The following RUNDC3A variants were observed in gnomAD, a reference collection of about 807,000 sequenced individuals.
The protein encoded by RUNDC3A is RUN domain-containing protein 3A.
RUNDC3A carries 28 observed loss-of-function variants against 53.9 expected under a neutral mutation model. The observed-to-expected ratio is 0.52, with a 90% CI of 0.38 to 0.71. The LOEUF (loss-of-function observed/expected upper bound fraction) is 0.71, where lower values mean the gene tolerates loss of function less well. Among genes scored for constraint, RUNDC3A ranks in the 30% least tolerant of loss-of-function variants. The pLI is 0.00. For synonymous variants in RUNDC3A, 232 were observed against 249.4 expected (o/e 0.93, Z 0.66); for missense variants, 491 against 597.3 (o/e 0.82, Z 1.85).
chr17:44,309,582 C>T (rs1196286750), intron 1 of RUNDC3A, among the ~76,000 whole-genome samples: 1 of 152,146 alleles, frequency 6.6e-6, no homozygotes, highest in South Asian at 2.1e-4. Flanking sequence ...TCCGTGATTG[C>T]GGGGCCCAGG....
Position 44,314,834 on chromosome 17 carries a change from G to T in RUNDC3A, c.548+10G>T. 1 of 1,613,938 alleles carries T rather than the reference G, an allele frequency of 6.2e-7. No homozygotes were observed. The highest frequency in any genetic ancestry group is 1.3e-5 in the African/African-American group (1 of 75,050). On this transcript the variant is annotated intron_variant, in intron 5 of 10. Transcript: ENST00000426726. ...GCGCCATCGACTTCAGGTGGGGTCT[G>T]CCTGACGGCAGTGGTGGAGGGGGCT... is the stretch of plus-strand genomic sequence containing the variant.
At chr17:44,317,615 C>T in intron 10 of RUNDC3A, 2 of 759,734 alleles carry the variant, frequency 2.6e-6, no homozygotes, top group Non-Finnish European at 2.5e-6. Flanking sequence ...GCCTGAATAT[C>T]CTGTCTTTTC....
chr17:44,316,234 C>T, intron 8 of RUNDC3A, 151 bp from the exon 9 acceptor site: 1 of 670,082 alleles, frequency 1.5e-6, no homozygotes, highest in Non-Finnish European at 2.5e-6. Context: ...ACCTCCACTT[C>T]CTCCCGGGAT....
chr17:44,313,975 A>G (rs1236366753), intron 4 of RUNDC3A: 1 of 991,918 alleles, frequency 1.0e-6, no homozygotes, highest in Non-Finnish European at 1.2e-6. Context: ...TGGCCCCAGG[A>G]CAAACTTTTA....
chr17:44,314,667 G>A, intron 4 of RUNDC3A, 68 bp from the exon 5 acceptor site: 1 of 873,060 alleles, frequency 1.1e-6, no homozygotes, highest in Non-Finnish European at 1.7e-6. Context: ...GCCAACAATA[G>A]CAGCTCTGGG....
At position 44,316,711 on chromosome 17, in the gene RUNDC3A, C is replaced by T. The variant is rs1346373166; in HGVS notation, c.1184C>T (p.Pro395Leu). 8.4e-6 allele frequency: 13 copies of T among 1,548,648 alleles called. No homozygotes were observed. Among genetic ancestry groups the T allele is most frequent in the Non-Finnish European group, 1.1e-5 (13 of 1,146,626 alleles). ...GGAGAGGGCACGCGGGACGAGGAGC[C>T]CTGGGGTCCCATCGGTGAGCTCCCC... ...RLGEGTRDEE[P>L]WGPIGKDPTP... The change falls in exon 10 of 11, where the codon CCC (proline) becomes CTC (leucine). Residue 395 changes from proline to leucine, a missense_variant. Pro to Leu is a moderately conservative substitution (Grantham distance 98). Around this residue, in one of 2 missense-constraint regions of RUNDC3A, gnomAD observed 218 missense variants for 208.2 expected, o/e 1.05. Transcript: ENST00000426726.
rs1193527810 is a variant in RUNDC3A, at chr17:44,313,234, C to A, written c.354C>A (p.Ile118=). The stretch of plus-strand genomic sequence containing the variant: ...GCAGCATCGAGAACATGGAGAACAT[C>A]AGCACAGCCCGGGCCAAGGTGAGGG... ...CVSSIENMEN[I]STARAKGRAW... is the part of the protein sequence containing the mutation. Residue 118 remains isoleucine (I), a synonymous_variant, in exon 3 of 11, where the codon ATC becomes ATA. Coordinates refer to ENST00000426726, the MANE Select transcript of RUNDC3A (RefSeq NM_001144825.2). The A allele has an allele frequency of 3.1e-6, 5 of 1,613,988 alleles. No individual in the cohort carries two copies. Among genetic ancestry groups the A allele is most frequent in the Non-Finnish European group, 4.2e-6 (5 of 1,179,878 alleles).
chr17:44,310,537 G>T (rs1056916508), intron 1 of RUNDC3A, among the ~76,000 whole-genome samples: 3 of 152,114 alleles, frequency 2.0e-5, no homozygotes, highest in Non-Finnish European at 2.9e-5. Flanking sequence ...GTTTTGGGGG[G>T]TCAGGGACAT....
At chr17:44,317,420 C>T in intron 10 of RUNDC3A, 1 of 780,550 alleles carries the variant, frequency 1.3e-6, no homozygotes, top group Middle Eastern at 2.3e-4. Context: ...CTAATTTGCT[C>T]TTATCTCATG....
chr17:44,317,381 GCTCACAAACT>G, intron 10 of RUNDC3A: 1 of 762,600 alleles, frequency 1.3e-6, no homozygotes. Context: ...ATCCTCGGGG[GCTCACAAACT>G]CTCGGGGAAC....
rs1398800177 is a variant in RUNDC3A at position 44,315,353 on chromosome 17, G to C, written c.795+33G>C. 25 of 1,309,220 alleles carry C rather than the reference G, an allele frequency of 1.9e-5. No homozygotes were observed. The highest frequency in any genetic ancestry group is 5.9e-6 in the Non-Finnish European group (6 of 1,023,280). The allele number at this position is 1,309,220 out of a possible 1,614,324, so 81.1% of individuals were successfully genotyped here. A position where few individuals can be genotyped will look rare whatever the true frequency, so the allele number is the denominator to read the frequency against. ...ACGCCGGCGGGCCCGGGGGGCGGGC[G>C]GGCCGGGCGGGGGATCCGGGCATCC... On this transcript the variant is annotated intron_variant, in intron 7 of 10. Transcript: ENST00000426726. The surrounding 1 kb of genome is among the most constrained non-coding windows in gnomAD (Gnocchi z 6.1).
intron 10 of RUNDC3A, 174 bp from the exon 11 acceptor site, chr17:44,317,922 G>C: frequency 1.6e-6 from 1 of 627,240 alleles, no homozygotes; most frequent in Middle Eastern, 2.9e-4. Context: ...CCCCAGCACG[G>C]TGCCTGGCAC....
chr17:44,312,067 G>A (rs1391514634), intron 1 of RUNDC3A, among the ~76,000 whole-genome samples: 1 of 152,172 alleles, frequency 6.6e-6, no homozygotes, highest in Non-Finnish European at 1.5e-5. Context: ...TGTGCACAGT[G>A]CCAACTCACA....
rs199920068 is a variant in RUNDC3A, at chr17:44,313,180, C to T, written c.300C>T (p.Ala100=). Reference sequence around the variant, plus strand: ...GCTTTTGGGACTATATCCGGCTGGCCTGCAGCAAAGTGCCCAACAACTGTG... The same window carrying T: ...GCTTTTGGGACTATATCCGGCTGGCTTGCAGCAAAGTGCCCAACAACTGTG... The part of the protein sequence containing the change: ...QRGFWDYIRL[A]CSKVPNNCVS... Residue 100 remains alanine, a synonymous_variant, in exon 3 of 11, where the codon GCC becomes GCT. Coordinates refer to ENST00000426726, the MANE Select transcript of RUNDC3A (RefSeq NM_001144825.2). The T allele has an allele frequency of 6.3e-5, 102 of 1,614,066 alleles. 1 individual carries two copies. In the African/African-American group the frequency reaches 1.2e-3, roughly 19 times the overall value.
chr17:44,308,748 G>A lies in RUNDC3A; in HGVS notation c.-85G>A. Reference sequence around the variant, plus strand: ...GTTGAGGGGCCCCGTCGGACAGAGGGCCCAGCCGTGATCCAGCGACGGGTT... The same window carrying A: ...GTTGAGGGGCCCCGTCGGACAGAGGACCCAGCCGTGATCCAGCGACGGGTT... On this transcript the variant is annotated 5_prime_UTR_variant, in exon 1 of 11. Transcript: ENST00000426726. 2.3e-6 allele frequency: 2 copies of A among 875,760 alleles called. No individual in the cohort carries two copies. The highest frequency in any genetic ancestry group is 3.4e-6 in the Non-Finnish European group (2 of 588,058). The allele number at this position is 875,760 out of a possible 1,614,324, so 54.2% of individuals were successfully genotyped here. A position where few individuals can be genotyped will look rare whatever the true frequency, so the allele number is the denominator to read the frequency against.
Position 44,313,183 on chromosome 17 carries a change from C to A in RUNDC3A, c.303C>A (p.Cys101Ter). 2 of 1,614,054 alleles carry A rather than the reference C, an allele frequency of 1.2e-6. No individual in the cohort carries two copies. Among genetic ancestry groups the A allele is most frequent in the Non-Finnish European group, 8.5e-7 (1 of 1,179,906 alleles). The change falls in exon 3 of 11, where the codon TGC becomes TGA. Residue 101 changes from cysteine (C) to a stop codon, truncating the protein, a stop_gained. Coordinates refer to ENST00000426726, the MANE Select transcript of RUNDC3A (RefSeq NM_001144825.2). LOFTEE classifies it high-confidence loss of function. ...TTTGGGACTATATCCGGCTGGCCTG[C>A]AGCAAAGTGCCCAACAACTGTGTGA... ...RGFWDYIRLA[C>*]SKVPNNCVSS...
chr17:44,308,688 A>C lies in RUNDC3A; in HGVS notation c.-145A>C. On this transcript the variant is annotated 5_prime_UTR_variant, in exon 1 of 11. Transcript: ENST00000426726. ...GGGGGAGGGAGCGAGGGGGCCGGGC[A>C]CCGGGCGCAAAGGCAGGGGGATGGC... 7 of 457,922 alleles carry C rather than the reference A, an allele frequency of 1.5e-5. No individual in the cohort carries two copies. The highest frequency in any genetic ancestry group is 4.0e-5 in the Admixed American group (1 of 25,208). The allele number at this position is 457,922 out of a possible 1,614,324, so 28.4% of individuals were successfully genotyped here.
Position 44,315,582 on chromosome 17 carries a change from G to T in RUNDC3A, c.926G>T (p.Gly309Val). The T allele has an allele frequency of 6.6e-7, 1 of 1,509,528 alleles. No homozygotes were observed. Among genetic ancestry groups the T allele is most frequent in the Non-Finnish European group, 8.9e-7 (1 of 1,128,720 alleles). The allele number at this position is 1,509,528 out of a possible 1,614,324, so 93.5% of individuals were successfully genotyped here. The change falls in exon 8 of 11, where the codon GGC becomes GTC. Residue 309 changes from glycine (G) to valine (V), a missense_variant. Gly to Val is a moderately radical substitution (Grantham distance 109). Transcript: ENST00000426726. This position sits in a 1 kb window ranked among gnomAD's most constrained non-coding sequence, Gnocchi z 6.1. ...CAGCGCGAGAAACGGGAGCTGGAAGGCGTGATCCTGGAGCTGCAGGAGCAG... is the reference window on the plus strand; with the variant it reads ...CAGCGCGAGAAACGGGAGCTGGAAGTCGTGATCCTGGAGCTGCAGGAGCAG... ...QNQREKRELEGVILELQEQLT... is the reference protein window; with the variant it reads ...QNQREKRELEVVILELQEQLT...
At chr17:44,314,865 C>T (rs760133750) in intron 5 of RUNDC3A, 41 bp downstream of exon 5, 12 of 1,613,942 alleles carry the variant, frequency 7.4e-6, no homozygotes, top group Non-Finnish European at 1.0e-5. Context: ...GGGCTGTTTC[C>T]CCCATAAATG....
Sources: gnomAD v4.1 joint callset for allele counts (sites outside exome capture counted in the v4.1 genomes callset) on GRCh38, gnomAD v4.1.1 for gene constraint, gnomAD v4.1.1 regional missense constraint, Gnocchi (gnomAD v3.1) non-coding constraint, MANE v1.5 for transcripts, NCBI Gene and HGNC (gene_info 2026-07-23, HGNC 2026-07-21) for gene names.